LRP1B: variants seen among roughly 807,000 people sequenced by gnomAD.
LRP1B encodes LDL receptor related protein 1B, also known as low-density lipoprotein receptor-related protein 1B.
In LRP1B, 217 loss-of-function variants were observed where a neutral mutation model predicts 556.6. The observed-to-expected ratio is 0.39, with a 90% CI of 0.35 to 0.44. LRP1B has a LOEUF of 0.44. Among genes scored for constraint, LRP1B ranks in the 20% least tolerant of loss-of-function variants. The pLI, the probability that LRP1B is intolerant of heterozygous loss-of-function variation, is 1.00. For missense variants in LRP1B, 5,053 were observed against 5,620.8 expected, an observed-to-expected ratio of 0.90 and a Z score of 3.23; for synonymous variants, 2,047 against 1,865.8, an observed-to-expected ratio of 1.10 and a Z score of -2.50.
At chr2:140,439,837 C>A (rs1686346140) in intron 66 of LRP1B, among the ~76,000 whole-genome samples, 1 of 151,654 alleles carries the variant, frequency 6.6e-6, no homozygotes, top group African/African-American at 2.4e-5. Flanking sequence ...TTATACCAGG[C>A]TAAATTCAAT....
intron 2 of LRP1B, among the ~76,000 whole-genome samples, chr2:141,526,892 T>C (rs1001683912): frequency 2.6e-5 from 4 of 152,118 alleles, no homozygotes; most frequent in Admixed American, 6.6e-5. Flanking sequence ...TGTGTTGCCA[T>C]GTGTATGTGT....
intron 2 of LRP1B, among the ~76,000 whole-genome samples, chr2:141,564,767 T>C (rs1686274450): frequency 6.6e-6 from 1 of 152,014 alleles, no homozygotes; most frequent in African/African-American, 2.4e-5. Flanking sequence ...CAGAGAACAA[T>C]GTAAAAGTAG....
chr2:140,933,797 A>AT lies in LRP1B; in HGVS notation c.3137-10651dup, dbSNP rs555723630. ...CATGTTCTAATATTTTATTTTTTAAATTACAGTTACTGGTTTTAATTTTCA... is the reference window on the plus strand; with the variant it reads ...CATGTTCTAATATTTTATTTTTTAAATTTACAGTTACTGGTTTTAATTTTCA... On this transcript the variant is annotated intron_variant, in intron 20 of 90. Transcript: ENST00000389484. Among the ~76,000 whole-genome samples the AT allele has an allele frequency of 1.0e-3, 158 of 152,158 alleles. 1 individual carries two copies. The highest frequency in any genetic ancestry group is 3.5e-3 in the African/African-American group (146 of 41,564).
At chr2:141,428,512 T>C (rs1680454012) in intron 3 of LRP1B, among the ~76,000 whole-genome samples, 1 of 152,238 alleles carries the variant, frequency 6.6e-6, no homozygotes, top group African/African-American at 2.4e-5. Flanking sequence ...TTAAGTGATG[T>C]ACATCTTTCA....
chr2:141,848,199 C>G (rs1697719807), intron 1 of LRP1B, among the ~76,000 whole-genome samples: 1 of 151,404 alleles, frequency 6.6e-6, no homozygotes, highest in Non-Finnish European at 1.5e-5. Flanking sequence ...CAAGATAAAC[C>G]TGAAAACCTA....
intron 43 of LRP1B, among the ~76,000 whole-genome samples, chr2:140,552,546 A>G (rs1680583310): frequency 6.6e-6 from 1 of 152,154 alleles, no homozygotes; most frequent in Non-Finnish European, 1.5e-5. Flanking sequence ...CATATGGAAC[A>G]GAAAATGAAA....
At chr2:141,330,672 G>A (rs1255832979) in intron 3 of LRP1B, among the ~76,000 whole-genome samples, 1 of 151,922 alleles carries the variant, frequency 6.6e-6, no homozygotes, top group African/African-American at 2.4e-5. Flanking sequence ...AATATTAGCC[G>A]GTTTCCTGGC....
chr2:140,568,200 CAAAAA>C (rs56676136), intron 43 of LRP1B, among the ~76,000 whole-genome samples: 12 of 123,700 alleles, frequency 9.7e-5, no homozygotes, highest in African/African-American at 2.9e-4. Context: ...CACCATGGTC[CAAAAA>C]AAAAAAAAAA....
intron 84 of LRP1B, among the ~76,000 whole-genome samples, chr2:140,280,240 A>AT (rs1240062037): frequency 6.6e-6 from 1 of 151,844 alleles, no homozygotes; most frequent in Non-Finnish European, 1.5e-5. Context: ...TGTTGTTCAA[A>AT]TTTGAAATTC....
intron 77 of LRP1B, among the ~76,000 whole-genome samples, chr2:140,344,173 T>C (rs949544390): frequency 6.6e-6 from 1 of 151,808 alleles, no homozygotes; most frequent in Non-Finnish European, 1.5e-5. Flanking sequence ...AACAAATTGA[T>C]TGTCTATTAA....
At chr2:141,035,047 G>A (rs570045179) in intron 11 of LRP1B, among the ~76,000 whole-genome samples, 1 of 152,172 alleles carries the variant, frequency 6.6e-6, no homozygotes, top group Admixed American at 6.5e-5. Flanking sequence ...ATGAGTTCAT[G>A]TCCTTTGTAG....
intron 2 of LRP1B, among the ~76,000 whole-genome samples, chr2:141,717,571 A>C (rs1224374961): frequency 6.6e-6 from 1 of 152,168 alleles, no homozygotes; most frequent in African/African-American, 2.4e-5. Flanking sequence ...TGTTCTTCTG[A>C]GACTGTCAAT....
intron 41 of LRP1B, among the ~76,000 whole-genome samples, chr2:140,691,300 C>T (rs910915016): frequency 2.0e-5 from 3 of 151,898 alleles, no homozygotes; most frequent in Admixed American, 6.5e-5. Flanking sequence ...GGAGAAACCC[C>T]GTCTCTACTA....
At chr2:140,828,525 C>A (rs577201353) in intron 31 of LRP1B, among the ~76,000 whole-genome samples, 41 of 131,814 alleles carry the variant, frequency 3.1e-4, no homozygotes, top group African/African-American at 1.2e-3. Flanking sequence ...AGGAGAATGG[C>A]GTGAACCTGG....
At chr2:140,585,130 T>G (rs941356259) in intron 43 of LRP1B, among the ~76,000 whole-genome samples, 1 of 152,116 alleles carries the variant, frequency 6.6e-6, no homozygotes, top group Non-Finnish European at 1.5e-5. Flanking sequence ...ATCATTCATG[T>G]TTATACAAAT....
intron 2 of LRP1B, among the ~76,000 whole-genome samples, chr2:141,692,615 C>T (rs1409191783): frequency 2.6e-5 from 4 of 151,886 alleles, no homozygotes; most frequent in Non-Finnish European, 5.9e-5. Context: ...TACTCAGGAC[C>T]CATTAGAGTC....
At chr2:140,480,460 CT>C (rs546418336) in intron 59 of LRP1B, among the ~76,000 whole-genome samples, 36 of 150,138 alleles carry the variant, frequency 2.4e-4, no homozygotes, top group Middle Eastern at 3.4e-3. Flanking sequence ...TCCTAACAGA[CT>C]TTTTTTTTTC....
rs12617966 is a variant in LRP1B at position 142,115,749 on chromosome 2, T to A, written c.82+14899A>T. Among the ~76,000 whole-genome samples the A allele has an allele frequency of 6.6e-5, 2 of 30,380 alleles. 1 individual carries two copies. Among genetic ancestry groups the A allele is most frequent in the African/African-American group, 2.7e-4 (2 of 7,410 alleles). The allele number at this position is 30,380 out of a possible 152,430, so 19.9% of individuals were successfully genotyped here. On this transcript the variant is annotated intron_variant, in intron 1 of 90. Transcript: ENST00000389484. The stretch of plus-strand genomic sequence containing the variant: ...ATATAATATATATGTAATATATATA[T>A]TATATATATGTAATATATATCATAT...
chr2:141,843,676 T>C (rs1277974112), intron 1 of LRP1B, among the ~76,000 whole-genome samples: 1 of 152,124 alleles, frequency 6.6e-6, no homozygotes, highest in East Asian at 1.9e-4. Flanking sequence ...ATTTCAGAGA[T>C]GGTATAGAGA....
Sources: allele counts gnomAD v4.1 joint callset (sites outside exome capture counted in the v4.1 genomes callset), GRCh38; gene constraint gnomAD v4.1.1; transcripts MANE v1.5; gene names NCBI Gene and HGNC (gene_info 2026-07-23, HGNC 2026-07-21).